The following TXNDC16 variants were observed in gnomAD, a reference collection of about 807,000 sequenced individuals.
TXNDC16 encodes the protein thioredoxin domain-containing protein 16.
Under a neutral mutation model 85.6 loss-of-function variants are expected in TXNDC16, and 74 were observed. The ratio of observed to expected loss-of-function variants is 0.86; its 90% CI spans 0.72 to 1.05. The LOEUF (loss-of-function observed/expected upper bound fraction) is 1.05. Ranked by LOEUF, TXNDC16 falls within the 50% of genes least tolerant of loss-of-function variation. The pLI, the probability that TXNDC16 is intolerant of heterozygous loss-of-function variation, is 0.00. For missense variants in TXNDC16, 959 were observed against 947.0 expected (o/e 1.01, Z -0.17); for synonymous variants, 335 against 326.5 (o/e 1.03, Z -0.28).
At chr14:52,493,056 A>T (rs1417927168) in intron 9 of TXNDC16, among the ~76,000 whole-genome samples, 1 of 151,986 alleles carries the variant, frequency 6.6e-6, no homozygotes, top group Non-Finnish European at 1.5e-5. Context: ...ACAGAAGACC[A>T]TTTGAGGTCA....
At chr14:52,508,889 A>T (rs1232724982) in intron 9 of TXNDC16, among the ~76,000 whole-genome samples, 2 of 152,010 alleles carry the variant, frequency 1.3e-5, no homozygotes, top group African/African-American at 2.4e-5. Context: ...GGAACATCAC[A>T]CACCGGGGCC....
At chr14:52,488,843 A>AAAAAAAAC (rs1368866005) in intron 11 of TXNDC16, among the ~76,000 whole-genome samples, 2 of 151,978 alleles carry the variant, frequency 1.3e-5, no homozygotes, top group East Asian at 3.9e-4. Context: ...AAAAAAAAAA[A>AAAAAAAAC]AAAAAACAAG....
At chr14:52,532,935 T>G (rs2037617103) in intron 6 of TXNDC16, among the ~76,000 whole-genome samples, 4 of 152,222 alleles carry the variant, frequency 2.6e-5, no homozygotes, top group Non-Finnish European at 5.9e-5. Flanking sequence ...ATTGTAAATA[T>G]CGTTACTGGG....
At chr14:52,530,826 T>C (rs939569566) in intron 6 of TXNDC16, among the ~76,000 whole-genome samples, 7 of 150,520 alleles carry the variant, frequency 4.7e-5, no homozygotes, top group Non-Finnish European at 8.9e-5. Context: ...AAATCTCCAG[T>C]AATAAATTTA....
chr14:52,515,311 CTGTGTA>C (rs2037055979), intron 7 of TXNDC16, among the ~76,000 whole-genome samples: 1 of 151,524 alleles, frequency 6.6e-6, no homozygotes, highest in African/African-American at 2.4e-5. Flanking sequence ...GTGTATGTGT[CTGTGTA>C]TATTATTTCT....
At chr14:52,439,143 A>G in intron 20 of TXNDC16, 61 bp downstream of exon 20, 1 of 1,466,830 alleles carries the variant, frequency 6.8e-7, no homozygotes, top group Non-Finnish European at 9.4e-7. Context: ...CTATATTTAG[A>G]GTTTAACATT....
At chr14:52,453,006 T>TA (rs1386940328) in intron 18 of TXNDC16, among the ~76,000 whole-genome samples, 1 of 152,006 alleles carries the variant, frequency 6.6e-6, no homozygotes, top group African/African-American at 2.4e-5. Flanking sequence ...AAATCTGATT[T>TA]AAAAAATGGG....
intron 7 of TXNDC16, among the ~76,000 whole-genome samples, chr14:52,517,030 T>C (rs2037099022): frequency 6.6e-6 from 1 of 152,062 alleles, no homozygotes; most frequent in South Asian, 2.1e-4. Flanking sequence ...ACTCTACACC[T>C]TGCAATCACC....
chr14:52,507,232 C>A (rs899849580), intron 9 of TXNDC16, among the ~76,000 whole-genome samples: 3 of 152,230 alleles, frequency 2.0e-5, no homozygotes, highest in South Asian at 4.1e-4. Context: ...GATACAAAAT[C>A]AATGTGCAAA....
intron 9 of TXNDC16, among the ~76,000 whole-genome samples, chr14:52,498,259 G>A (rs1484709101): frequency 6.6e-6 from 1 of 152,080 alleles, no homozygotes; most frequent in Admixed American, 6.6e-5. Context: ...ACCCACTCTT[G>A]ACACTTTTAT....
intron 9 of TXNDC16, among the ~76,000 whole-genome samples, chr14:52,506,302 G>A (rs2140175362): frequency 6.6e-6 from 1 of 152,222 alleles, no homozygotes; most frequent in South Asian, 2.1e-4. Flanking sequence ...TATCCCTGAT[G>A]AACATTGATG....
intron 9 of TXNDC16, among the ~76,000 whole-genome samples, chr14:52,501,800 T>G (rs1216289747): frequency 1.3e-5 from 2 of 152,210 alleles, no homozygotes; most frequent in Non-Finnish European, 2.9e-5. Context: ...TGACTCAGTT[T>G]TTTTAACCTC....
intron 16 of TXNDC16, among the ~76,000 whole-genome samples, chr14:52,466,621 C>G (rs1435494600): frequency 1.3e-5 from 2 of 151,920 alleles, no homozygotes; most frequent in East Asian, 3.9e-4. Context: ...AATCCCAGCA[C>G]TTTGGGAGGC....
intron 18 of TXNDC16, among the ~76,000 whole-genome samples, chr14:52,446,383 C>G (rs2035284662): frequency 6.6e-6 from 1 of 152,192 alleles, no homozygotes; most frequent in Non-Finnish European, 1.5e-5. Flanking sequence ...TAAACCATCT[C>G]TAGCCAGAGC....
chr14:52,527,145 G>T (rs1250112602), intron 6 of TXNDC16, among the ~76,000 whole-genome samples: 2 of 152,172 alleles, frequency 1.3e-5, no homozygotes, highest in African/African-American at 4.8e-5. Context: ...AAACAGCCAA[G>T]CCCAACGAGG....
intron 6 of TXNDC16, among the ~76,000 whole-genome samples, chr14:52,531,689 T>G (rs553874023): frequency 6.6e-6 from 1 of 152,198 alleles, no homozygotes; most frequent in South Asian, 2.1e-4. Flanking sequence ...CAGAGCATTT[T>G]GGGGGTAGTG....
chr14:52,512,390 C>T (rs543632312), intron 8 of TXNDC16, among the ~76,000 whole-genome samples: 29 of 152,164 alleles, frequency 1.9e-4, no homozygotes, highest in African/African-American at 6.0e-4. Flanking sequence ...GGGAAGAAAA[C>T]GGAGATTATC....
intron 8 of TXNDC16, 46 bp downstream of exon 8, chr14:52,514,834 G>GAAAA: frequency 1.5e-6 from 2 of 1,314,380 alleles, no homozygotes; most frequent in East Asian, 2.5e-5. Context: ...AAGTGAAGAA[G>GAAAA]AAAAAAAAAA....
At chr14:52,512,841 C>T (rs1566570854) in intron 8 of TXNDC16, among the ~76,000 whole-genome samples, 1 of 152,146 alleles carries the variant, frequency 6.6e-6, no homozygotes, top group African/African-American at 2.4e-5. Context: ...TGGGAAGACA[C>T]CTTTCTGTTT....
Sources: gnomAD v4.1 joint callset for allele counts (sites outside exome capture counted in the v4.1 genomes callset) on GRCh38, gnomAD v4.1.1 for gene constraint, MANE v1.5 for transcripts, NCBI Gene and HGNC (gene_info 2026-07-23, HGNC 2026-07-21) for gene names.